Variants in NAB1 observed in about 807,000 individuals in gnomAD.
The protein encoded by NAB1 is NGFI-A binding protein 1, also known as NGFI-A-binding protein 1.
In NAB1, 25 loss-of-function variants were observed where a neutral mutation model predicts 49.9. That is an observed-to-expected ratio of 0.50 (90% confidence interval 0.37 to 0.70). The LOEUF is 0.70. NAB1 is among the 30% of genes least tolerant of loss of function. The probability of loss-of-function intolerance (pLI) is 0.00; values close to 1 mark genes in which losing one functional copy is unlikely to be tolerated. For missense variants in NAB1, 489 were observed against 575.9 expected (o/e 0.85, Z 1.54); for synonymous variants, 198 against 215.6 (o/e 0.92, Z 0.71).
At position 190,687,196 on chromosome 2, in the gene NAB1, A is replaced by C. The variant is rs1413707379; in HGVS notation, c.1259-5A>C. On this transcript the variant is annotated splice_region_variant and splice_polypyrimidine_tract_variant and intron_variant, in intron 8 of 9. Transcript: ENST00000337386. ...TTATGCATATTTCTTTTTTCTTTTC[A>C]TTAGGAGAAAGACCTTTGAATCTCC... is the stretch of plus-strand genomic sequence containing the variant. 3 of 1,542,296 alleles carry C rather than the reference A, an allele frequency of 1.9e-6. No individual in the cohort carries two copies. The highest frequency in any genetic ancestry group is 2.6e-6 in the Non-Finnish European group (3 of 1,148,794).
rs1694099387 is a variant in NAB1, at chr2:190,659,377, G to A, written c.201G>A (p.Arg67=). ...GMASKPLHVR[R]LQKALRDWVT... is the part of the protein sequence containing the mutation. Reference sequence around the variant, plus strand: ...CTAGCAAGCCCCTTCATGTTAGAAGGCTGCAGAAGGCTTTGAGAGACTGGG... The same window carrying A: ...CTAGCAAGCCCCTTCATGTTAGAAGACTGCAGAAGGCTTTGAGAGACTGGG... Residue 67 remains arginine (R), a synonymous_variant, in exon 4 of 10, where the codon AGG becomes AGA. Coordinates refer to ENST00000337386, the MANE Select transcript of NAB1 (RefSeq NM_005966.4). This position sits in a 1 kb window ranked among gnomAD's most constrained non-coding sequence, Gnocchi z 6.2. 3 of 1,614,022 alleles carry A rather than the reference G, an allele frequency of 1.9e-6. No individual in the cohort carries two copies. The African/African-American group carries it at 4.0e-5, about 22-fold the overall frequency.
intron 5 of NAB1, among the ~76,000 whole-genome samples, chr2:190,672,572 A>G (rs992396480): frequency 9.2e-5 from 14 of 152,222 alleles, no homozygotes; most frequent in African/African-American, 3.1e-4. Flanking sequence ...AGCCATAAAC[A>G]TACATCTTAA....
At chr2:190,660,930 T>G (rs1175202506) in intron 4 of NAB1, among the ~76,000 whole-genome samples, 3 of 150,720 alleles carry the variant, frequency 2.0e-5, no homozygotes, top group African/African-American at 7.3e-5. Context: ...TTAAAAAGAC[T>G]ATGTCATAGC....
At chr2:190,683,247 C>T (rs1261183137) in intron 6 of NAB1, among the ~76,000 whole-genome samples, 1 of 151,472 alleles carries the variant, frequency 6.6e-6, no homozygotes, top group African/African-American at 2.4e-5. Context: ...AGTAGCTGCC[C>T]AGCCTCCCTA....
At chr2:190,681,953 G>A (rs1381358679) in intron 6 of NAB1, among the ~76,000 whole-genome samples, 3 of 152,146 alleles carry the variant, frequency 2.0e-5, no homozygotes, top group South Asian at 4.1e-4. Flanking sequence ...ATCAAAGAAG[G>A]GGAGAAATAA....
At position 190,659,648 on chromosome 2, in the gene NAB1, T is replaced by G. The variant is rs775970080; in HGVS notation, c.472T>G (p.Ser158Ala). 1 of 1,613,860 alleles carries G rather than the reference T, an allele frequency of 6.2e-7. No homozygotes were observed. The highest frequency in any genetic ancestry group is 8.5e-7 in the Non-Finnish European group (1 of 1,179,992). Residue 158 changes from serine to alanine, a missense_variant, in exon 4 of 10, where the codon TCC becomes GCC. This residue lies in a region of NAB1 where 204 missense variants were observed against 220.9 expected (regional missense o/e 0.92). Coordinates refer to ENST00000337386, the MANE Select transcript of NAB1 (RefSeq NM_005966.4). The surrounding 1 kb of genome is among the most constrained non-coding windows in gnomAD (Gnocchi z 6.2). ...GSLALQSVGE[S>A]RLWQGHHATE... is the part of the protein sequence containing the mutation. ...CCTAGCACTGCAGAGTGTTGGTGAG[T>G]CCAGACTCTGGCAAGGCCACCATGC...
At position 190,687,228 on chromosome 2, in the gene NAB1, C is replaced by G. The variant is rs1695652274; in HGVS notation, c.1286C>G (p.Pro429Arg). The G allele has an allele frequency of 1.3e-6, 2 of 1,587,678 alleles. No individual in the cohort carries two copies. Among genetic ancestry groups the G allele is most frequent in the Non-Finnish European group, 1.7e-6 (2 of 1,172,292 alleles). The change falls in exon 9 of 10, where the codon CCT (proline) becomes CGT (arginine). Residue 429 changes from proline (P) to arginine (R), a missense_variant. Around this residue, in one of 4 missense-constraint regions of NAB1, gnomAD observed 212 missense variants for 199.3 expected, o/e 1.06. Coordinates refer to ENST00000337386, the MANE Select transcript of NAB1 (RefSeq NM_005966.4). ...QGERPLNLRM[P>R]NLQNRQPHHF... The stretch of plus-strand genomic sequence containing the variant: ...GAAAGACCTTTGAATCTCCGAATGC[C>G]TAATTTACAGAACAGACAACCCCAT...
At position 190,663,197 on chromosome 2, in the gene NAB1, A is replaced by G. The variant is rs1356141300; in HGVS notation, c.819+3202A>G. Among the ~76,000 whole-genome samples, 7 of 152,110 alleles carry G rather than the reference A, an allele frequency of 4.6e-5. No individual in the cohort carries two copies. The highest frequency in any genetic ancestry group is 2.1e-4 in the South Asian group (1 of 4,832). On this transcript the variant is annotated intron_variant, in intron 4 of 9. Transcript: ENST00000337386. This position sits in a 1 kb window ranked among gnomAD's most constrained non-coding sequence, Gnocchi z 4.2. ...TTATGGTAGTCTATTTCTTGAGTCA[A>G]TTTTGGTAAGTTACATTTTTCTAAG...
In NAB1 at chr2:190,652,176, G is replaced by A. The variant is rs955051681; in HGVS notation, c.-197+2194G>A. ...TCCTCATCTTGTGAGAATTCACACA[G>A]CTAAAACATGCCATTAAGCTTTCAA... On this transcript the variant is annotated intron_variant, in intron 2 of 9. Coordinates refer to ENST00000337386, the MANE Select transcript of NAB1 (RefSeq NM_005966.4). This position sits in a 1 kb window ranked among gnomAD's most constrained non-coding sequence, Gnocchi z 4.2. Among the ~76,000 whole-genome samples, 1 of 152,150 alleles carries A rather than the reference G, an allele frequency of 6.6e-6. No homozygotes were observed.
At position 190,686,361 on chromosome 2, in the gene NAB1, A is replaced by G. The variant is rs1250107968; in HGVS notation, c.1258+723A>G. On this transcript the variant is annotated intron_variant, in intron 8 of 9. Transcript: ENST00000337386. This position sits in a 1 kb window ranked among gnomAD's most constrained non-coding sequence, Gnocchi z 5.5. ...AAATAGTAATAAGTGTTTGAAGAAAAAAAATAATTTTATAGTGCCTCCTTT... is the reference window on the plus strand; with the variant it reads ...AAATAGTAATAAGTGTTTGAAGAAAGAAAATAATTTTATAGTGCCTCCTTT... Among the ~76,000 whole-genome samples the G allele has an allele frequency of 2.0e-5, 3 of 152,212 alleles. No homozygotes were observed. Among genetic ancestry groups the G allele is most frequent in the Non-Finnish European group, 4.4e-5 (3 of 68,040 alleles).
In NAB1 at chr2:190,691,720, A is replaced by T. The variant is rs1332338566; in HGVS notation, c.*1387A>T. 2 of 152,158 alleles carry T rather than the reference A, an allele frequency of 1.3e-5. No individual in the cohort carries two copies. Among genetic ancestry groups the T allele is most frequent in the African/African-American group, 4.8e-5 (2 of 41,446 alleles). 9.4% of individuals were successfully genotyped at this position (152,158 alleles called of 1,614,324 possible). A position where few individuals can be genotyped will look rare whatever the true frequency, so the allele number is the denominator to read the frequency against. On this transcript the variant is annotated 3_prime_UTR_variant, in exon 10 of 10. Transcript: ENST00000337386. This position sits in a 1 kb window ranked among gnomAD's most constrained non-coding sequence, Gnocchi z 4.1. ...TTCCTACAGATGCATCTAAACCCAGATATTACTGAGAAGAGTGTATTGACT... is the reference window on the plus strand; with the variant it reads ...TTCCTACAGATGCATCTAAACCCAGTTATTACTGAGAAGAGTGTATTGACT...
In NAB1 at chr2:190,659,443, T is replaced by C. The variant is rs779792831; in HGVS notation, c.267T>C (p.Leu89=). 6.2e-7 allele frequency: 1 copy of C among 1,614,156 alleles called. No homozygotes were observed. The highest frequency in any genetic ancestry group is 2.2e-5 in the East Asian group (1 of 44,880). ...TTTTCAATCAGCCACTGACTTCCCT[T>C]CCTGTCAGTAGCATACCCATCTATA... ...PGLFNQPLTS[L]PVSSIPIYKL... Residue 89 remains leucine, a synonymous_variant, in exon 4 of 10, where the codon CTT becomes CTC. Coordinates refer to ENST00000337386, the MANE Select transcript of NAB1 (RefSeq NM_005966.4). This position sits in a 1 kb window ranked among gnomAD's most constrained non-coding sequence, Gnocchi z 6.2.
rs141845510 is a variant in NAB1 at position 190,691,908 on chromosome 2, T to G, written c.*1575T>G. 4 of 152,686 alleles carry G rather than the reference T, an allele frequency of 2.6e-5. No individual in the cohort carries two copies. Among genetic ancestry groups the G allele is most frequent in the African/African-American group, 7.2e-5 (3 of 41,578 alleles). 9.5% of individuals were successfully genotyped at this position (152,686 alleles called of 1,614,324 possible). On this transcript the variant is annotated 3_prime_UTR_variant, in exon 10 of 10. Coordinates refer to ENST00000337386, the MANE Select transcript of NAB1 (RefSeq NM_005966.4). This position sits in a 1 kb window ranked among gnomAD's most constrained non-coding sequence, Gnocchi z 4.1. Reference sequence around the variant, plus strand: ...ATCACTGTCACGTATATAAATTGCTTCTTCATTTTAATTTGTAGAAGTACT... The same window carrying G: ...ATCACTGTCACGTATATAAATTGCTGCTTCATTTTAATTTGTAGAAGTACT...
rs1693957035 is a variant in NAB1 at position 190,657,026 on chromosome 2, A to G, written c.-20+873A>G. ...CTATTTTGATCATGTGTATGTATAT[A>G]CACATTACACATGTACTTTTTTTTT... On this transcript the variant is annotated intron_variant, in intron 3 of 9. Coordinates refer to ENST00000337386, the MANE Select transcript of NAB1 (RefSeq NM_005966.4). The surrounding 1 kb of genome is among the most constrained non-coding windows in gnomAD (Gnocchi z 4.4). Among the ~76,000 whole-genome samples, 1 of 152,174 alleles carries G rather than the reference A, an allele frequency of 6.6e-6. No individual in the cohort carries two copies. Among genetic ancestry groups the G allele is most frequent in the African/African-American group, 2.4e-5 (1 of 41,430 alleles).
intron 4 of NAB1, among the ~76,000 whole-genome samples, chr2:190,668,188 G>A (rs1202267373): frequency 6.6e-6 from 1 of 152,154 alleles, no homozygotes; most frequent in African/African-American, 2.4e-5. Flanking sequence ...GGGTAGTTAG[G>A]TGGAATGTAT....
In NAB1 at chr2:190,666,679, T is replaced by C. The variant is rs1400606838; in HGVS notation, c.820-3647T>C. Among the ~76,000 whole-genome samples, 2 of 151,152 alleles carry C rather than the reference T, an allele frequency of 1.3e-5. No homozygotes were observed. Among genetic ancestry groups the C allele is most frequent in the Admixed American group, 1.3e-4 (2 of 15,182 alleles). On this transcript the variant is annotated intron_variant, in intron 4 of 9. Transcript: ENST00000337386. This position sits in a 1 kb window ranked among gnomAD's most constrained non-coding sequence, Gnocchi z 5.6. ...CTGCATTCCAGCCTGGGAGACAGAGTGAGACTCCATCTCAAAAAAAAAAGA... is the reference window on the plus strand; with the variant it reads ...CTGCATTCCAGCCTGGGAGACAGAGCGAGACTCCATCTCAAAAAAAAAAGA...
At chr2:190,673,073 T>A (rs1284723954) in intron 5 of NAB1, 28 bp from the exon 6 acceptor site, 1 of 1,596,408 alleles carries the variant, frequency 6.3e-7, no homozygotes, top group Non-Finnish European at 8.5e-7. Context: ...TCAAGTTTTT[T>A]TTTTTTTTTC....
At chr2:190,662,136 AG>A in intron 4 of NAB1, among the ~76,000 whole-genome samples, 1 of 152,248 alleles carries the variant, frequency 6.6e-6, no homozygotes, top group South Asian at 2.1e-4. Flanking sequence ...CACTGTTCTG[AG>A]GATTTTCTTC....
rs1267115449 is a variant in NAB1 at position 190,669,500 on chromosome 2, T to C, written c.820-826T>C. Among the ~76,000 whole-genome samples the C allele has an allele frequency of 6.6e-6, 1 of 152,186 alleles. No homozygotes were observed. Among genetic ancestry groups the C allele is most frequent in the Non-Finnish European group, 1.5e-5 (1 of 68,032 alleles). ...CAGCTGGTAAATGATGAAGCAGGAC[T>C]CTCCTCAGGTCTGTCTGCCATCACG... On this transcript the variant is annotated intron_variant, in intron 4 of 9. Coordinates refer to ENST00000337386, the MANE Select transcript of NAB1 (RefSeq NM_005966.4). This position sits in a 1 kb window ranked among gnomAD's most constrained non-coding sequence, Gnocchi z 4.3.
Sources: allele counts gnomAD v4.1 joint callset (sites outside exome capture counted in the v4.1 genomes callset), GRCh38; gene constraint gnomAD v4.1.1; regional missense constraint gnomAD v4.1.1; non-coding constraint Gnocchi (gnomAD v3.1); transcripts MANE v1.5; gene names NCBI Gene and HGNC (gene_info 2026-07-23, HGNC 2026-07-21).